Variants in TYW1 observed in about 807,000 individuals in gnomAD.
TYW1 encodes the protein S-adenosyl-L-methionine-dependent tRNA 4-demethylwyosine synthase TYW1.
In TYW1, 46 loss-of-function variants were observed where a neutral mutation model predicts 96.2. The observed-to-expected ratio is 0.48, with a 90% CI of 0.38 to 0.61. The LOEUF (loss-of-function observed/expected upper bound fraction) is 0.61, where lower values mean the gene tolerates loss of function less well. TYW1 is among the 20% of genes least tolerant of loss of function. The probability of loss-of-function intolerance (pLI) is 0.00; values close to 1 mark genes in which losing one functional copy is unlikely to be tolerated. For missense variants in TYW1, 684 were observed against 909.6 expected (o/e 0.75, Z 3.19); for synonymous variants, 274 against 323.0 (o/e 0.85, Z 1.63).
At chr7:67,155,954 C>T (rs1454017799) in intron 13 of TYW1, among the ~76,000 whole-genome samples, 1 of 151,746 alleles carries the variant, frequency 6.6e-6, no homozygotes, top group Non-Finnish European at 1.5e-5. Flanking sequence ...CTTTTTATGA[C>T]TTTTTTGATT....
At chr7:67,021,323 G>A (rs1214711975) in intron 6 of TYW1, among the ~76,000 whole-genome samples, 1 of 152,268 alleles carries the variant, frequency 6.6e-6, no homozygotes, top group Non-Finnish European at 1.5e-5. Context: ...ATCTTTCTCT[G>A]CTACATTTTC....
At chr7:67,017,294 A>G (rs555929631) in intron 5 of TYW1, among the ~76,000 whole-genome samples, 1 of 152,158 alleles carries the variant, frequency 6.6e-6, no homozygotes, top group Admixed American at 6.6e-5. Flanking sequence ...AGATACGTAA[A>G]TATTTTGTTT....
At chr7:67,081,793 C>G (rs993683110) in intron 10 of TYW1, among the ~76,000 whole-genome samples, 7 of 146,194 alleles carry the variant, frequency 4.8e-5, no homozygotes. Flanking sequence ...TTTTTCTTTT[C>G]TCCTTTTATT....
intron 14 of TYW1, among the ~76,000 whole-genome samples, chr7:67,193,722 G>A (rs913987809): frequency 1.9e-4 from 29 of 148,884 alleles, no homozygotes; most frequent in African/African-American, 6.8e-4. Flanking sequence ...TCAGGCCACT[G>A]CACTCCAGCC....
At chr7:67,014,628 AAC>A (rs771805257) in intron 5 of TYW1, 67 bp downstream of exon 5, 115 of 1,473,858 alleles carry the variant, frequency 7.8e-5, no homozygotes, top group Admixed American at 3.8e-4. Flanking sequence ...CACACACGTA[AAC>A]ACACACACGT....
intron 7 of TYW1, among the ~76,000 whole-genome samples, chr7:67,034,248 T>C (rs62466626): frequency 0.3 from 45,918 of 151,490 alleles, 7,257 homozygotes; most frequent in East Asian, 0.53. Flanking sequence ...GGATTACAGA[T>C]GTGTGCCACC....
intron 13 of TYW1, among the ~76,000 whole-genome samples, chr7:67,182,917 G>C (rs1279288345): frequency 1.3e-5 from 2 of 151,456 alleles, no homozygotes; most frequent in Non-Finnish European, 2.9e-5. Context: ...AAATATGTCA[G>C]TATCTCATGT....
intron 13 of TYW1, among the ~76,000 whole-genome samples, chr7:67,180,425 A>ATATATATATATATATTAT (rs1563058168): frequency 4.4e-5 from 3 of 68,636 alleles, no homozygotes; most frequent in African/African-American, 1.5e-4. Flanking sequence ...TATATATATA[A>ATATATATATATATATTAT]TTTTTTTTTT....
chr7:67,049,728 G>C (rs915699806), intron 7 of TYW1, among the ~76,000 whole-genome samples: 40 of 151,902 alleles, frequency 2.6e-4, no homozygotes, highest in African/African-American at 9.7e-4. Flanking sequence ...TGTGTTTTTA[G>C]TAGAGATGAG....
chr7:67,162,713 G>A lies in TYW1; in HGVS notation c.1699-20413G>A, dbSNP rs574964197. 3.3e-5 allele frequency among the ~76,000 whole-genome samples: 5 copies of A among 152,228 alleles called. No homozygotes were observed. In the East Asian group the frequency reaches 5.8e-4, roughly 18 times the overall value. On this transcript the variant is annotated intron_variant, in intron 13 of 15. Transcript: ENST00000359626. Reference sequence around the variant, plus strand: ...AGATTTTACTTTTGTCAATATCCTCGGACATCCAAGTCAGTACGTTGCTTG... The same window carrying A: ...AGATTTTACTTTTGTCAATATCCTCAGACATCCAAGTCAGTACGTTGCTTG...
intron 3 of TYW1, among the ~76,000 whole-genome samples, chr7:66,999,657 C>T (rs187378557): frequency 0.014 from 2,097 of 152,048 alleles, 19 homozygotes; most frequent in Non-Finnish European, 0.02. Flanking sequence ...CCTGGCCTCA[C>T]GTCACACATC....
intron 2 of TYW1, 104 bp downstream of exon 2, chr7:66,998,299 A>C: frequency 7.0e-7 from 1 of 1,419,904 alleles, no homozygotes; most frequent in Non-Finnish European, 9.4e-7. Flanking sequence ...TTTGGTCTTT[A>C]GACATTTTAA....
chr7:67,221,685 C>T (rs1346006842), intron 15 of TYW1, among the ~76,000 whole-genome samples: 2 of 152,256 alleles, frequency 1.3e-5, no homozygotes, highest in Non-Finnish European at 2.9e-5. Flanking sequence ...CAATGGACAT[C>T]GCATTTAACA....
chr7:67,045,090 T>C (rs1360620627), intron 7 of TYW1, among the ~76,000 whole-genome samples: 2 of 152,216 alleles, frequency 1.3e-5, no homozygotes, highest in Admixed American at 1.3e-4. Context: ...CATTTTACCT[T>C]AAAGTCTTCA....
chr7:67,129,360 C>G (rs1797995408), intron 13 of TYW1, among the ~76,000 whole-genome samples: 1 of 152,198 alleles, frequency 6.6e-6, no homozygotes, highest in Admixed American at 6.5e-5. Context: ...GTAAAACTCA[C>G]AAAAGTGTAG....
intron 13 of TYW1, among the ~76,000 whole-genome samples, chr7:67,130,799 A>C (rs1032906751): frequency 4.6e-5 from 7 of 152,048 alleles, no homozygotes; most frequent in Non-Finnish European, 8.8e-5. Flanking sequence ...GCCTTCCCTA[A>C]CTCCTTCCCT....
Position 67,180,404 on chromosome 7 carries a change from A to G in TYW1, c.1699-2722A>G, listed in dbSNP as rs540423551. Among the ~76,000 whole-genome samples, 448 of 71,642 alleles carry G rather than the reference A, an allele frequency of 6.3e-3. 68 individuals are homozygous for G. Among genetic ancestry groups the G allele is most frequent in the Admixed American group, 8.5e-3 (51 of 6,012 alleles). The allele number at this position is 71,642 out of a possible 152,430, so 47.0% of individuals were successfully genotyped here. On this transcript the variant is annotated intron_variant, in intron 13 of 15. Transcript: ENST00000359626. The stretch of plus-strand genomic sequence containing the variant: ...TGTTGGTTTATATATATATATATAT[A>G]TTTATATATATATATATATAATTTT...
At chr7:67,180,863 C>T (rs752699488) in intron 13 of TYW1, among the ~76,000 whole-genome samples, 2 of 152,046 alleles carry the variant, frequency 1.3e-5, no homozygotes, top group African/African-American at 4.8e-5. Context: ...AGGCTGGCCT[C>T]GAACTCCTGA....
At chr7:67,079,724 G>A (rs923687778) in intron 10 of TYW1, among the ~76,000 whole-genome samples, 17 of 151,848 alleles carry the variant, frequency 1.1e-4, no homozygotes, top group African/African-American at 1.9e-4. Context: ...TGATATAGTT[G>A]TTTATTATTA....
Sources: allele counts gnomAD v4.1 joint callset (sites outside exome capture counted in the v4.1 genomes callset), GRCh38; gene constraint gnomAD v4.1.1; transcripts MANE v1.5; gene names NCBI Gene and HGNC (gene_info 2026-07-23, HGNC 2026-07-21).